The following RSPO2 variants were observed in gnomAD, a reference collection of about 807,000 sequenced individuals.
RSPO2 encodes the protein R-spondin-2.
Under a neutral mutation model 30.9 loss-of-function variants are expected in RSPO2, and 14 were observed. That is an observed-to-expected ratio of 0.45 (90% CI 0.30 to 0.71). The LOEUF is 0.71. Ranked by LOEUF, RSPO2 falls within the 30% of genes least tolerant of loss-of-function variation. The pLI is 0.08. For synonymous variants in RSPO2, 107 were observed against 96.4 expected, an observed-to-expected ratio of 1.11 and a Z score of -0.64; for missense variants, 264 against 301.9, an observed-to-expected ratio of 0.87 and a Z score of 0.93.
intron 2 of RSPO2, among the ~76,000 whole-genome samples, chr8:107,992,094 T>C (rs1342779640): frequency 6.6e-6 from 1 of 151,748 alleles, no homozygotes; most frequent in Admixed American, 6.6e-5. Flanking sequence ...CATATGTTCA[T>C]TGCAGCACTA....
intron 2 of RSPO2, among the ~76,000 whole-genome samples, chr8:108,046,923 T>C (rs932192657): frequency 6.6e-6 from 1 of 152,116 alleles, no homozygotes; most frequent in African/African-American, 2.4e-5. Context: ...ATATATATAG[T>C]AATCATTCCC....
At chr8:108,025,492 T>A (rs1811189814) in intron 2 of RSPO2, among the ~76,000 whole-genome samples, 1 of 152,200 alleles carries the variant, frequency 6.6e-6, no homozygotes, top group Non-Finnish European at 1.5e-5. Context: ...TATACTGCTA[T>A]AAATAAGTAA....
intron 3 of RSPO2, among the ~76,000 whole-genome samples, chr8:107,982,294 T>C (rs1302187295): frequency 6.6e-6 from 1 of 152,168 alleles, no homozygotes; most frequent in Non-Finnish European, 1.5e-5. Flanking sequence ...TACTCCTCCT[T>C]TTTCCTTAAT....
chr8:108,076,301 C>G (rs999789262), intron 2 of RSPO2, among the ~76,000 whole-genome samples: 1 of 152,078 alleles, frequency 6.6e-6, no homozygotes. Flanking sequence ...GGTGTTTATT[C>G]GGCAGTCAAT....
At chr8:107,903,522 G>A (rs769821133) in intron 5 of RSPO2, among the ~76,000 whole-genome samples, 1 of 152,040 alleles carries the variant, frequency 6.6e-6, no homozygotes, top group South Asian at 2.1e-4. Context: ...TGGGTTTACT[G>A]GCTGATATGA....
At chr8:107,974,216 G>A (rs1814125369) in intron 3 of RSPO2, among the ~76,000 whole-genome samples, 1 of 151,984 alleles carries the variant, frequency 6.6e-6, no homozygotes, top group South Asian at 2.1e-4. Flanking sequence ...GTCAGGTGCA[G>A]CGGCTTATGC....
intron 5 of RSPO2, among the ~76,000 whole-genome samples, chr8:107,950,083 C>A (rs1813192612): frequency 6.6e-6 from 1 of 152,210 alleles, no homozygotes. Flanking sequence ...TGCCTCCCTA[C>A]TGAGCTTTTT....
At chr8:107,901,270 T>C (rs2130236190) in intron 5 of RSPO2, 80 bp from the exon 6 acceptor site, 1 of 1,483,668 alleles carries the variant, frequency 6.7e-7, no homozygotes, top group East Asian at 2.5e-5. Flanking sequence ...ATTGGGAGTT[T>C]TGCACAAAGC....
chr8:108,028,965 T>C (rs1257328288), intron 2 of RSPO2, among the ~76,000 whole-genome samples: 1 of 151,684 alleles, frequency 6.6e-6, no homozygotes, highest in Non-Finnish European at 1.5e-5. Flanking sequence ...TCTAATTTTT[T>C]TTTTTTGAAT....
At chr8:107,936,681 A>AT (rs1383634433) in intron 5 of RSPO2, among the ~76,000 whole-genome samples, 1 of 151,740 alleles carries the variant, frequency 6.6e-6, no homozygotes, top group African/African-American at 2.4e-5. Context: ...CTCATTTTGG[A>AT]TTTTTTATTT....
intron 3 of RSPO2, among the ~76,000 whole-genome samples, chr8:107,979,161 C>T (rs1188860775): frequency 6.6e-6 from 1 of 152,184 alleles, no homozygotes; most frequent in Non-Finnish European, 1.5e-5. Flanking sequence ...TACCATTTGA[C>T]CTAGCCATCT....
At position 107,997,667 on chromosome 8, in the gene RSPO2, CACAA is replaced by C. The variant is rs565983395; in HGVS notation, c.95-8427_95-8424del. Among the ~76,000 whole-genome samples, 4 of 152,278 alleles carry C rather than the reference CACAA, an allele frequency of 2.6e-5. No homozygotes were observed. The East Asian group carries it at 5.8e-4, about 22-fold the overall frequency. Reference sequence around the variant, plus strand: ...TGAAACAAGGTAACACTACCTAAATCACAAACAGTTATATCAAGAGAGAAAAAAG... The same window carrying C: ...TGAAACAAGGTAACACTACCTAAATCACAGTTATATCAAGAGAGAAAAAAG... On this transcript the variant is annotated intron_variant, in intron 2 of 5. Coordinates refer to ENST00000276659, the MANE Select transcript of RSPO2 (RefSeq NM_178565.5).
At chr8:107,964,704 G>A (rs189477034) in intron 3 of RSPO2, among the ~76,000 whole-genome samples, 3 of 152,126 alleles carry the variant, frequency 2.0e-5, no homozygotes, top group Admixed American at 6.5e-5. Context: ...CTTTGCAGGG[G>A]GTGGGGGGAA....
chr8:107,920,292 T>C lies in RSPO2; in HGVS notation c.617-19102A>G, dbSNP rs182230966. ...AATAATAATTCACTGAGATCACAAA[T>C]ATGGCAGGTAAACATTTTATTCGTG... On this transcript the variant is annotated intron_variant, in intron 5 of 5. Transcript: ENST00000276659. Among the ~76,000 whole-genome samples, 401 of 152,266 alleles carry C rather than the reference T, an allele frequency of 2.6e-3. 2 individuals are homozygous for C. The highest frequency in any genetic ancestry group is 4.5e-3 in the Non-Finnish European group (307 of 68,014).
chr8:108,034,769 A>G (rs1345755388), intron 2 of RSPO2, among the ~76,000 whole-genome samples: 1 of 150,942 alleles, frequency 6.6e-6, no homozygotes, highest in African/African-American at 2.5e-5. Flanking sequence ...GCTACGTGAT[A>G]ATCAAATTGT....
At chr8:107,965,055 A>G (rs983460906) in intron 3 of RSPO2, among the ~76,000 whole-genome samples, 1 of 152,174 alleles carries the variant, frequency 6.6e-6, no homozygotes, top group Non-Finnish European at 1.5e-5. Flanking sequence ...CACACAATAG[A>G]TTGTTAAACC....
At chr8:107,996,437 G>A (rs748549179) in intron 2 of RSPO2, among the ~76,000 whole-genome samples, 1 of 152,140 alleles carries the variant, frequency 6.6e-6, no homozygotes, top group African/African-American at 2.4e-5. Flanking sequence ...ACATACTGAC[G>A]AACTTCTGCT....
intron 2 of RSPO2, among the ~76,000 whole-genome samples, chr8:108,046,051 T>C (rs1341639988): frequency 6.6e-6 from 1 of 152,138 alleles, no homozygotes; most frequent in Non-Finnish European, 1.5e-5. Context: ...CCAAGACAGG[T>C]ATTGTTAAAT....
At chr8:108,028,677 T>C (rs1811302896) in intron 2 of RSPO2, among the ~76,000 whole-genome samples, 1 of 152,354 alleles carries the variant, frequency 6.6e-6, no homozygotes, top group East Asian at 1.9e-4. Flanking sequence ...TGTGGTTGTC[T>C]ACACTGTCTG....
Sources: gnomAD v4.1 joint callset for allele counts (sites outside exome capture counted in the v4.1 genomes callset) on GRCh38, gnomAD v4.1.1 for gene constraint, MANE v1.5 for transcripts, NCBI Gene and HGNC (gene_info 2026-07-23, HGNC 2026-07-21) for gene names.